NCKAP5: variants seen among roughly 807,000 people sequenced by gnomAD.
The protein encoded by NCKAP5 is nck-associated protein 5.
Under a neutral mutation model 167.0 loss-of-function variants are expected in NCKAP5, and 92 were observed. The ratio of observed to expected loss-of-function variants is 0.55; its 90% CI spans 0.47 to 0.66. NCKAP5 has a LOEUF of 0.66. Ranked by LOEUF, NCKAP5 falls within the 30% of genes least tolerant of loss-of-function variation. The probability of loss-of-function intolerance (pLI) is 0.00; values close to 1 mark genes in which losing one functional copy is unlikely to be tolerated. For synonymous variants in NCKAP5, 891 were observed against 877.4 expected (o/e 1.02, Z -0.27); for missense variants, 2,378 against 2,315.0 (o/e 1.03, Z -0.56).
At chr2:132,751,033 C>A (rs2104786225) in intron 16 of NCKAP5, among the ~76,000 whole-genome samples, 1 of 152,220 alleles carries the variant, frequency 6.6e-6, no homozygotes, top group Non-Finnish European at 1.5e-5. Context: ...AGACACAGCT[C>A]AGCCCATTTA....
chr2:133,537,564 T>C (rs2104862905), intron 2 of NCKAP5, among the ~76,000 whole-genome samples: 1 of 152,292 alleles, frequency 6.6e-6, no homozygotes, highest in African/African-American at 2.4e-5. Context: ...CTATCATAAG[T>C]GGGAGTACTT....
intron 19 of NCKAP5, among the ~76,000 whole-genome samples, chr2:132,676,569 A>C (rs1470504723): frequency 6.6e-6 from 1 of 152,004 alleles, no homozygotes; most frequent in African/African-American, 2.4e-5. Context: ...ATATTTTTAA[A>C]ATTTTGTAGT....
intron 3 of NCKAP5, among the ~76,000 whole-genome samples, chr2:133,505,040 G>A (rs1264389508): frequency 6.6e-6 from 1 of 152,176 alleles, no homozygotes; most frequent in African/African-American, 2.4e-5. Flanking sequence ...GGTGCCTGGA[G>A]CAAGGAGAAC....
At chr2:133,140,719 G>A (rs778409204) in intron 5 of NCKAP5, among the ~76,000 whole-genome samples, 7 of 149,472 alleles carry the variant, frequency 4.7e-5, no homozygotes, top group East Asian at 2.0e-4. Context: ...TACATATGAC[G>A]TATTAATCAT....
intron 6 of NCKAP5, among the ~76,000 whole-genome samples, chr2:133,083,386 G>C (rs1369088019): frequency 1.3e-5 from 2 of 152,144 alleles, no homozygotes; most frequent in Non-Finnish European, 2.9e-5. Context: ...AATGGAACTG[G>C]AGTAATCAGG....
chr2:132,858,489 C>G (rs1275190483), intron 11 of NCKAP5, among the ~76,000 whole-genome samples: 3 of 152,144 alleles, frequency 2.0e-5, no homozygotes, highest in Non-Finnish European at 4.4e-5. Context: ...TTTTGTTTCT[C>G]AAACCCTAAA....
intron 6 of NCKAP5, among the ~76,000 whole-genome samples, chr2:133,051,088 G>C (rs957312713): frequency 1.3e-5 from 2 of 152,060 alleles, no homozygotes; most frequent in South Asian, 4.2e-4. Context: ...CAAGAGTATG[G>C]GTTGTTCAAG....
chr2:133,122,116 A>G (rs2082269201), intron 6 of NCKAP5: 1 of 152,218 alleles, frequency 6.6e-6, no homozygotes, highest in African/African-American at 2.4e-5. Context: ...GAACTGGTCC[A>G]GGACATGAAA....
chr2:133,326,020 G>C (rs1682413527), intron 3 of NCKAP5, among the ~76,000 whole-genome samples: 1 of 152,208 alleles, frequency 6.6e-6, no homozygotes, highest in Non-Finnish European at 1.5e-5. Context: ...TAATGATGCT[G>C]TCTTTCAGCA....
chr2:132,691,078 C>T (rs762447311), intron 19 of NCKAP5, among the ~76,000 whole-genome samples: 10 of 152,184 alleles, frequency 6.6e-5, no homozygotes, highest in Non-Finnish European at 1.0e-4. Context: ...TACTGAAAGG[C>T]CTAAAATAGT....
At chr2:132,754,420 C>T (rs1260743504) in intron 16 of NCKAP5, among the ~76,000 whole-genome samples, 1 of 152,190 alleles carries the variant, frequency 6.6e-6, no homozygotes, top group Non-Finnish European at 1.5e-5. Context: ...CATGGGTTGA[C>T]TAGTCACCCA....
At chr2:132,988,156 T>G (rs1336981918) in intron 7 of NCKAP5, among the ~76,000 whole-genome samples, 1 of 152,190 alleles carries the variant, frequency 6.6e-6, no homozygotes, top group Non-Finnish European at 1.5e-5. Context: ...GTTATTGTTC[T>G]GTTCTAAGGG....
intron 3 of NCKAP5, among the ~76,000 whole-genome samples, chr2:133,489,929 T>G (rs1040135321): frequency 3.3e-5 from 5 of 152,126 alleles, no homozygotes; most frequent in Non-Finnish European, 7.4e-5. Context: ...GGATCAGATT[T>G]CACACCAGGA....
intron 5 of NCKAP5, among the ~76,000 whole-genome samples, chr2:133,144,649 A>C (rs1368395811): frequency 6.6e-6 from 1 of 152,138 alleles, no homozygotes; most frequent in Non-Finnish European, 1.5e-5. Flanking sequence ...ATCACGTAAT[A>C]TTTGTGCTTG....
the NCKAP5 span, among the ~76,000 whole-genome samples, chr2:133,640,478 A>T: frequency 6.6e-6 from 1 of 152,218 alleles, no homozygotes; most frequent in Admixed American, 6.5e-5. Context: ...ATAAAATGAC[A>T]TCTGGACTAG....
the NCKAP5 span, among the ~76,000 whole-genome samples, chr2:133,588,007 A>G: frequency 6.6e-6 from 1 of 152,182 alleles, no homozygotes; most frequent in African/African-American, 2.4e-5. Flanking sequence ...TAAAGAAAAT[A>G]GAAACTGTTA....
chr2:132,923,628 G>A (rs529369451), intron 8 of NCKAP5, among the ~76,000 whole-genome samples: 1 of 152,072 alleles, frequency 6.6e-6, no homozygotes, highest in South Asian at 2.1e-4. Context: ...GAGAATAAAA[G>A]AAACTAAACT....
At chr2:132,889,461 G>A (rs1241539264) in intron 8 of NCKAP5, among the ~76,000 whole-genome samples, 1 of 151,890 alleles carries the variant, frequency 6.6e-6, no homozygotes, top group African/African-American at 2.4e-5. Flanking sequence ...AATATACAGG[G>A]GCCACCATAA....
At chr2:132,946,522 C>A (rs1302154838) in intron 8 of NCKAP5, among the ~76,000 whole-genome samples, 1 of 152,142 alleles carries the variant, frequency 6.6e-6, no homozygotes, top group African/African-American at 2.4e-5. Flanking sequence ...ATCTTAATTT[C>A]TCTGTTGAAA....
Sources: allele counts gnomAD v4.1 joint callset (sites outside exome capture counted in the v4.1 genomes callset), GRCh38; gene constraint gnomAD v4.1.1; transcripts MANE v1.5; gene names NCBI Gene and HGNC (gene_info 2026-07-23, HGNC 2026-07-21).